Variants in C2orf42 observed in about 807,000 individuals in gnomAD.
The protein encoded by C2orf42 is uncharacterized protein C2orf42.
In C2orf42, 44 loss-of-function variants were observed where a neutral mutation model predicts 58.9. The observed-to-expected ratio is 0.75, with a 90% CI of 0.59 to 0.96. The LOEUF is 0.96. Among genes scored for constraint, C2orf42 ranks in the 40% least tolerant of loss-of-function variants. The pLI, the probability that C2orf42 is intolerant of heterozygous loss-of-function variation, is 0.00. For missense variants in C2orf42, 630 were observed against 699.2 expected, an observed-to-expected ratio of 0.90 and a Z score of 1.12; for synonymous variants, 239 against 265.4, an observed-to-expected ratio of 0.90 and a Z score of 0.97.
At chr2:70,161,149 G>C (rs1673028355) in intron 8 of C2orf42, among the ~76,000 whole-genome samples, 1 of 151,978 alleles carries the variant, frequency 6.6e-6, no homozygotes, top group Non-Finnish European at 1.5e-5. Flanking sequence ...AAATTCCTTT[G>C]TTCATAGCAC....
chr2:70,152,064 A>C (rs531137599), intron 9 of C2orf42, among the ~76,000 whole-genome samples: 17 of 152,170 alleles, frequency 1.1e-4, no homozygotes, highest in Non-Finnish European at 1.9e-4. Flanking sequence ...GGCGTGAGCC[A>C]CTGCGCCTGG....
At chr2:70,158,323 GTAC>G (rs1441094984) in intron 9 of C2orf42, among the ~76,000 whole-genome samples, 1 of 151,890 alleles carries the variant, frequency 6.6e-6, no homozygotes, top group Non-Finnish European at 1.5e-5. Context: ...TAAATACAAG[GTAC>G]TGAGGACAGG....
Position 70,179,633 on chromosome 2 carries a change from T to A in C2orf42, c.833A>T (p.Glu278Val). 1 of 1,383,924 alleles carries A rather than the reference T, an allele frequency of 7.2e-7. No homozygotes were observed. The highest frequency in any genetic ancestry group is 1.0e-6 in the Non-Finnish European group (1 of 974,428). The allele number at this position is 1,383,924 out of a possible 1,614,324, so 85.7% of individuals were successfully genotyped here. A position where few individuals can be genotyped will look rare whatever the true frequency, so the allele number is the denominator to read the frequency against. The change falls in exon 4 of 10, where the codon GAG becomes GTG. Residue 278 changes from glutamate to valine, a missense_variant. Coordinates refer to ENST00000264434, the MANE Select transcript of C2orf42 (RefSeq NM_017880.3). ...GCAACCTAACTGGGGTACAATAATCTCTTTAAGACCTAAAAAAAAGAAGAT... is the reference window on the plus strand; with the variant it reads ...GCAACCTAACTGGGGTACAATAATCACTTTAAGACCTAAAAAAAAGAAGAT... ...FLNFDSSGLK[E>V]IIVPQLGCHS...
Position 70,185,706 on chromosome 2 carries a change from T to C in C2orf42, c.-281-2771A>G, listed in dbSNP as rs555272948. ...TCAGCCTGGGAAACAGAGTGAGACT[T>C]TGTCACAAAAAAAAATATATATATA... On this transcript the variant is annotated intron_variant, in intron 1 of 9. Coordinates refer to ENST00000264434, the MANE Select transcript of C2orf42 (RefSeq NM_017880.3). Among the ~76,000 whole-genome samples the C allele has an allele frequency of 2.9e-4, 44 of 150,548 alleles. No individual in the cohort carries two copies. In the South Asian group the frequency reaches 9.0e-3, roughly 31 times the overall value.
At chr2:70,154,414 T>TAAAAAAAAAAAAAAAAAAAAAAAAA (rs36028499) in intron 9 of C2orf42, among the ~76,000 whole-genome samples, 2 of 25,600 alleles carry the variant, frequency 7.8e-5, no homozygotes, top group East Asian at 1.2e-3. Flanking sequence ...AAATTTTTAC[T>TAAAAAAAAAAAAAAAAAAAAAAAAA]AAAAAAAAAA....
rs980664536 is a variant in C2orf42, at chr2:70,155,799, CAAAAAAAAAGAA to C, written c.1516+4814_1516+4825del. ...TGGGTGACAGAGTGAGACTCCATCTCAAAAAAAAAGAAAAAAAAAAAGAAAAATACAAAATTA... is the reference window on the plus strand; with the variant it reads ...TGGGTGACAGAGTGAGACTCCATCTCAAAAAAAAAGAAAAATACAAAATTA... On this transcript the variant is annotated intron_variant, in intron 9 of 9. Coordinates refer to ENST00000264434, the MANE Select transcript of C2orf42 (RefSeq NM_017880.3). 1.9e-4 allele frequency among the ~76,000 whole-genome samples: 20 copies of C among 107,080 alleles called. No homozygotes were observed. The East Asian group carries it at 3.8e-3, about 21-fold the overall frequency. The allele number at this position is 107,080 out of a possible 152,430, so 70.2% of individuals were successfully genotyped here.
intron 9 of C2orf42, among the ~76,000 whole-genome samples, chr2:70,153,990 T>A (rs556763889): frequency 1.1e-4 from 16 of 149,666 alleles, no homozygotes; most frequent in African/African-American, 3.9e-4. Context: ...GAGGTGGAGG[T>A]TGCAGTGAGC....
At chr2:70,160,179 G>C (rs775038281) in intron 9 of C2orf42, among the ~76,000 whole-genome samples, 1 of 144,572 alleles carries the variant, frequency 6.9e-6, no homozygotes, top group African/African-American at 2.6e-5. Flanking sequence ...TCACTCTGCC[G>C]CCCAGGCTGG....
At chr2:70,155,035 A>G (rs1035502758) in intron 9 of C2orf42, among the ~76,000 whole-genome samples, 7 of 151,888 alleles carry the variant, frequency 4.6e-5, no homozygotes, top group Admixed American at 1.3e-4. Context: ...CACAAGGTCA[A>G]GAGATCAAGA....
At chr2:70,177,721 G>GCCTGTGGT (rs1674284808) in intron 4 of C2orf42, among the ~76,000 whole-genome samples, 2 of 152,134 alleles carry the variant, frequency 1.3e-5, no homozygotes, top group African/African-American at 4.8e-5. Context: ...TTTTACCTTT[G>GCCTGTGGT]CCTGTGGTCT....
At chr2:70,181,141 C>A (rs1160899605) in intron 3 of C2orf42, 22 bp downstream of exon 3, 7 of 1,415,100 alleles carry the variant, frequency 4.9e-6, no homozygotes, top group African/African-American at 1.4e-5. Context: ...AACGTAATAA[C>A]CACATCAACC....
intron 5 of C2orf42, among the ~76,000 whole-genome samples, chr2:70,170,051 G>A (rs1054136014): frequency 7.3e-5 from 11 of 151,602 alleles, no homozygotes; most frequent in East Asian, 1.9e-4. Context: ...GAGCCACCGC[G>A]CCCGGCCTGT....
chr2:70,152,167 G>C (rs1019772112), intron 9 of C2orf42, among the ~76,000 whole-genome samples: 1 of 152,004 alleles, frequency 6.6e-6, no homozygotes, highest in African/African-American at 2.4e-5. Context: ...TACTTCTTTT[G>C]GTCCTTTCTC....
rs1674614355 is a variant in C2orf42 at position 70,182,015 on chromosome 2, T to A, written c.-12-18A>T. 2.6e-6 allele frequency: 3 copies of A among 1,161,350 alleles called. No homozygotes were observed. Among genetic ancestry groups the A allele is most frequent in the Non-Finnish European group, 3.8e-6 (3 of 782,212 alleles). 71.9% of individuals were successfully genotyped at this position (1,161,350 alleles called of 1,614,324 possible). A position where few individuals can be genotyped will look rare whatever the true frequency, so the allele number is the denominator to read the frequency against. On this transcript the variant is annotated intron_variant, in intron 2 of 9. Transcript: ENST00000264434. ...CAGAGGCCCTACAAAAGACAATACA[T>A]CCAACAGTATGAGTATACCTTCACA...
At chr2:70,186,910 A>C (rs1466780754) in intron 1 of C2orf42, among the ~76,000 whole-genome samples, 1 of 151,420 alleles carries the variant, frequency 6.6e-6, no homozygotes, top group Non-Finnish European at 1.5e-5. Context: ...CAATGAGAAC[A>C]CATGGACACA....
At chr2:70,177,314 C>T (rs1674259845) in intron 4 of C2orf42, among the ~76,000 whole-genome samples, 2 of 151,460 alleles carry the variant, frequency 1.3e-5, no homozygotes. Context: ...GTGGCAGGAG[C>T]CTGTAATCCC....
In C2orf42 at chr2:70,170,224, A is replaced by G. The variant is rs1375369526; in HGVS notation, c.1040-563T>C. ...TTGAAGCTGAACTTCAAAGAAAGCA[A>G]ATAAACTAAGTGAAATAAGATATTC... On this transcript the variant is annotated intron_variant, in intron 5 of 9. Coordinates refer to ENST00000264434, the MANE Select transcript of C2orf42 (RefSeq NM_017880.3). Among the ~76,000 whole-genome samples the G allele has an allele frequency of 2.0e-5, 3 of 151,458 alleles. No individual in the cohort carries two copies. The Admixed American group carries it at 2.0e-4, about 10-fold the overall frequency.
intron 9 of C2orf42, among the ~76,000 whole-genome samples, chr2:70,153,655 TAAAGA>T (rs1672454439): frequency 8.5e-6 from 1 of 118,042 alleles, no homozygotes; most frequent in Non-Finnish European, 1.7e-5. Flanking sequence ...CAGTAATAAG[TAAAGA>T]AAAGAACAGG....
At chr2:70,159,081 T>TTTCA (rs1293477996) in intron 9 of C2orf42, among the ~76,000 whole-genome samples, 59 of 148,366 alleles carry the variant, frequency 4.0e-4, no homozygotes, top group African/African-American at 1.4e-3. Context: ...AGAGATGGGG[T>TTTCA]TTCACCATGT....
Sources: gnomAD v4.1 joint callset for allele counts (sites outside exome capture counted in the v4.1 genomes callset) on GRCh38, gnomAD v4.1.1 for gene constraint, MANE v1.5 for transcripts, NCBI Gene and HGNC (gene_info 2026-07-23, HGNC 2026-07-21) for gene names.